Variants in DLG2 observed in about 807,000 individuals in gnomAD.
The protein encoded by DLG2 is disks large homolog 2.
Under a neutral mutation model 132.5 loss-of-function variants are expected in DLG2, and 45 were observed. The ratio of observed to expected loss-of-function variants is 0.34; its 90% CI spans 0.27 to 0.44. The LOEUF (loss-of-function observed/expected upper bound fraction) is 0.44, where lower values mean the gene tolerates loss of function less well. DLG2 is among the 20% of genes least tolerant of loss of function. DLG2 has a pLI of 1.00. For synonymous variants in DLG2, 424 were observed against 419.6 expected, an observed-to-expected ratio of 1.01 and a Z score of -0.13; for missense variants, 1,045 against 1,196.9, an observed-to-expected ratio of 0.87 and a Z score of 1.87.
intron 6 of DLG2, among the ~76,000 whole-genome samples, chr11:84,539,244 T>C (rs967300807): frequency 6.6e-6 from 1 of 152,194 alleles, no homozygotes; most frequent in African/African-American, 2.4e-5. Flanking sequence ...TTCAAATACA[T>C]GTTAATTTCA....
Position 84,204,770 on chromosome 11 carries a change from T to TG in DLG2, c.574-41260dup, listed in dbSNP as rs552338221. On this transcript the variant is annotated intron_variant, in intron 8 of 27. Coordinates refer to ENST00000376104, the MANE Select transcript of DLG2 (RefSeq NM_001142699.3). Reference sequence around the variant, plus strand: ...TCTCATTCTGTCTCCAGGACTGGAGTGGTTCACTGCACCCTCTGCCTCCTG... The same window carrying TG: ...TCTCATTCTGTCTCCAGGACTGGAGTGGGTTCACTGCACCCTCTGCCTCCTG... 1.1e-3 allele frequency among the ~76,000 whole-genome samples: 170 copies of TG among 152,196 alleles called. 1 individual carries two copies. The highest frequency in any genetic ancestry group is 3.6e-3 in the African/African-American group (151 of 41,534).
intron 16 of DLG2, among the ~76,000 whole-genome samples, chr11:83,839,695 G>C (rs1013746721): frequency 7.2e-5 from 11 of 152,186 alleles, no homozygotes; most frequent in African/African-American, 2.7e-4. Flanking sequence ...ATATAAGCCA[G>C]AGGAGGATTC....
At chr11:84,449,328 T>C (rs565284561) in intron 7 of DLG2, among the ~76,000 whole-genome samples, 6 of 151,940 alleles carry the variant, frequency 3.9e-5, no homozygotes, top group South Asian at 2.1e-4. Flanking sequence ...GCCACCTACA[T>C]AAAACAGAAA....
intron 8 of DLG2, among the ~76,000 whole-genome samples, chr11:84,178,116 G>A (rs977833889): frequency 2.0e-5 from 3 of 152,102 alleles, no homozygotes; most frequent in African/African-American, 7.2e-5. Context: ...TGTGGGTACA[G>A]TAGTTCTACC....
At chr11:84,210,269 T>A (rs2096734295) in intron 8 of DLG2, among the ~76,000 whole-genome samples, 1 of 150,712 alleles carries the variant, frequency 6.6e-6, no homozygotes, top group Admixed American at 6.6e-5. Flanking sequence ...GGTGACAGAG[T>A]GATACTCTGT....
intron 11 of DLG2, among the ~76,000 whole-genome samples, chr11:84,008,732 A>T (rs949406466): frequency 1.3e-5 from 2 of 151,934 alleles, no homozygotes; most frequent in African/African-American, 4.8e-5. Context: ...GGGTAGAGGC[A>T]AAACAAGATC....
In DLG2 at chr11:85,332,953, G is replaced by T. The variant is rs1334097780; in HGVS notation, c.41-47588C>A. Reference sequence around the variant, plus strand: ...ATTCAAACTCTTTTATATTTAATATGAATTTTTGAATACCTTTTTCTAATT... The same window carrying T: ...ATTCAAACTCTTTTATATTTAATATTAATTTTTGAATACCTTTTTCTAATT... On this transcript the variant is annotated intron_variant, in intron 3 of 27. Transcript: ENST00000376104. 2.0e-5 allele frequency among the ~76,000 whole-genome samples: 3 copies of T among 152,226 alleles called. No homozygotes were observed. In the East Asian group the frequency reaches 5.8e-4, roughly 29 times the overall value.
chr11:84,492,562 G>C (rs920362494), intron 7 of DLG2, among the ~76,000 whole-genome samples: 9 of 152,108 alleles, frequency 5.9e-5, no homozygotes, highest in African/African-American at 1.9e-4. Flanking sequence ...CTAAACCTCA[G>C]GTTCCTCAGC....
Position 85,054,513 on chromosome 11 carries a change from T to C in DLG2, c.357+57148A>G, listed in dbSNP as rs140105213. On this transcript the variant is annotated intron_variant, in intron 6 of 27. Coordinates refer to ENST00000376104, the MANE Select transcript of DLG2 (RefSeq NM_001142699.3). ...ACTACCATTTAACCCAGCAGTCCCA[T>C]TACTTGGTGTATACCCAAAAGAAAA... 1.7e-3 allele frequency among the ~76,000 whole-genome samples: 263 copies of C among 152,270 alleles called. 1 individual carries two copies. The highest frequency in any genetic ancestry group is 4.8e-3 in the South Asian group (23 of 4,828).
intron 6 of DLG2, among the ~76,000 whole-genome samples, chr11:84,953,160 A>G (rs1261154956): frequency 6.6e-6 from 1 of 152,166 alleles, no homozygotes; most frequent in Non-Finnish European, 1.5e-5. Context: ...TTGAACAAAC[A>G]AATCGGTTCA....
chr11:85,594,162 G>A (rs1404097433), intron 3 of DLG2, among the ~76,000 whole-genome samples: 1 of 152,184 alleles, frequency 6.6e-6, no homozygotes, highest in African/African-American at 2.4e-5. Flanking sequence ...GAGATACAAT[G>A]AAAGGGCTAG....
chr11:84,656,128 A>C (rs2099687943), intron 6 of DLG2, among the ~76,000 whole-genome samples: 1 of 152,184 alleles, frequency 6.6e-6, no homozygotes, highest in Non-Finnish European at 1.5e-5. Context: ...CATGGAAAGA[A>C]ACCCAGTCCT....
At chr11:84,075,699 G>A (rs1031760998) in intron 10 of DLG2, among the ~76,000 whole-genome samples, 1 of 152,044 alleles carries the variant, frequency 6.6e-6, no homozygotes, top group Admixed American at 6.6e-5. Flanking sequence ...TAGTGATGCT[G>A]TTTTCTGACC....
intron 7 of DLG2, among the ~76,000 whole-genome samples, chr11:84,365,145 A>G (rs987670579): frequency 6.6e-6 from 1 of 151,378 alleles, no homozygotes; most frequent in African/African-American, 2.4e-5. Flanking sequence ...CTGGTCCTGG[A>G]CTCTTTTTGG....
intron 6 of DLG2, among the ~76,000 whole-genome samples, chr11:84,658,458 A>T (rs1204502046): frequency 6.6e-6 from 1 of 152,134 alleles, no homozygotes; most frequent in Non-Finnish European, 1.5e-5. Context: ...ATGCCCTTAT[A>T]AAAGAAACTG....
intron 3 of DLG2, among the ~76,000 whole-genome samples, chr11:85,341,457 G>C (rs1478771130): frequency 6.6e-6 from 1 of 152,154 alleles, no homozygotes; most frequent in East Asian, 1.9e-4. Context: ...TATCATCTGC[G>C]AGTAAAGACA....
At chr11:83,633,390 G>T in intron 18 of DLG2, 65 bp from the exon 19 acceptor site, 1 of 1,310,228 alleles carries the variant, frequency 7.6e-7, no homozygotes, top group Non-Finnish European at 1.1e-6. Context: ...ATGCTGCACA[G>T]CCCAGGCAGC....
At chr11:85,160,782 A>C (rs1226278201) in intron 4 of DLG2, among the ~76,000 whole-genome samples, 1 of 152,114 alleles carries the variant, frequency 6.6e-6, no homozygotes, top group South Asian at 2.1e-4. Context: ...TGATCAGTTG[A>C]CAGAGGAAAA....
At chr11:85,348,853 C>T (rs2083064697) in intron 3 of DLG2, among the ~76,000 whole-genome samples, 1 of 152,136 alleles carries the variant, frequency 6.6e-6, no homozygotes, top group Admixed American at 6.5e-5. Flanking sequence ...TCTTGATTCA[C>T]ACTCATTATT....
Sources: gnomAD v4.1 joint callset for allele counts (sites outside exome capture counted in the v4.1 genomes callset) on GRCh38, gnomAD v4.1.1 for gene constraint, MANE v1.5 for transcripts, NCBI Gene and HGNC (gene_info 2026-07-23, HGNC 2026-07-21) for gene names.